CABIN1: variants seen among roughly 807,000 people sequenced by gnomAD.
CABIN1 encodes calcineurin binding protein 1, also known as calcineurin-binding protein cabin-1.
A neutral mutation model predicts 227.7 loss-of-function variants in CABIN1; 133 were observed. The ratio of observed to expected loss-of-function variants is 0.58; its 90% CI spans 0.51 to 0.67. The LOEUF is 0.67. Ranked by LOEUF, CABIN1 falls within the 30% of genes least tolerant of loss-of-function variation. The pLI is 0.00. For missense variants in CABIN1, 2,408 were observed against 2,852.5 expected (o/e 0.84, Z 3.55); for synonymous variants, 1,086 against 1,155.1 (o/e 0.94, Z 1.21).
rs1344537089 is a variant in CABIN1 at position 24,171,715 on chromosome 22, C to T, written c.5760C>T (p.Ala1920=). Residue 1920 remains alanine, a splice_region_variant and synonymous_variant, in exon 34 of 37, where the codon GCC becomes GCT. Transcript: ENST00000263119. ...VHLGAAAQRQ[A]SGDTPTTPKH... ...TCACCTCTTGTTTGTCCTCACAGGCCTCGGGGGACACCCCCACCACTCCAA... is the reference window on the plus strand; with the variant it reads ...TCACCTCTTGTTTGTCCTCACAGGCTTCGGGGGACACCCCCACCACTCCAA... The T allele has an allele frequency of 6.2e-7, 1 of 1,614,064 alleles. No homozygotes were observed. The highest frequency in any genetic ancestry group is 2.2e-5 in the East Asian group (1 of 44,876).
At chr22:24,070,447 G>A (rs2146701032) in intron 16 of CABIN1, among the ~76,000 whole-genome samples, 1 of 152,372 alleles carries the variant, frequency 6.6e-6, no homozygotes, top group East Asian at 1.9e-4. Context: ...CACTGGATGG[G>A]CACAGTGGCT....
In CABIN1 at chr22:24,035,484, G is replaced by A. The variant is rs1167104738; in HGVS notation, c.-34G>A. On this transcript the variant is annotated 5_prime_UTR_variant, in exon 2 of 37. The change creates a new upstream start codon in the 5' untranslated region. Transcript: ENST00000263119. Reference sequence around the variant, plus strand: ...GGGCAACCTTTGCCAGTGATGAGAAGTGATGCTCGTGGCAGTGCTGAATCT... The same window carrying A: ...GGGCAACCTTTGCCAGTGATGAGAAATGATGCTCGTGGCAGTGCTGAATCT... The A allele has an allele frequency of 7.4e-6, 12 of 1,614,050 alleles. No individual in the cohort carries two copies. The highest frequency in any genetic ancestry group is 1.6e-4 in the Middle Eastern group (1 of 6,070).
intron 28 of CABIN1, among the ~76,000 whole-genome samples, chr22:24,127,776 G>A (rs2043824382): frequency 6.6e-6 from 1 of 152,020 alleles, no homozygotes; most frequent in South Asian, 2.1e-4. Context: ...AATCAGGTGA[G>A]AAAGTTTGCA....
chr22:24,147,335 C>T (rs1226256802), intron 29 of CABIN1, among the ~76,000 whole-genome samples: 3 of 121,302 alleles, frequency 2.5e-5, no homozygotes, highest in African/African-American at 9.2e-5. Flanking sequence ...CTCCTCTCCT[C>T]CCTCCCTCCC....
Position 24,067,194 on chromosome 22 carries a change from A to G in CABIN1, c.2232+13A>G, listed in dbSNP as rs758123428. On this transcript the variant is annotated intron_variant, in intron 16 of 36. Transcript: ENST00000263119. ...GCTTCTTCTGCAGGTGTGTGCTGCC[A>G]GTGTCCCTCACACCCACTTGCACCT... 5 of 1,613,922 alleles carry G rather than the reference A, an allele frequency of 3.1e-6. No individual in the cohort carries two copies. The highest frequency in any genetic ancestry group is 1.1e-5 in the South Asian group (1 of 91,060).
chr22:24,073,472 CAT>C (rs1235153953), intron 18 of CABIN1, among the ~76,000 whole-genome samples: 15 of 152,252 alleles, frequency 9.9e-5, no homozygotes, highest in East Asian at 5.8e-4. Flanking sequence ...CCAGAGTTAA[CAT>C]GTGGTTTTTC....
At chr22:24,073,672 A>G (rs1364160412) in intron 18 of CABIN1, among the ~76,000 whole-genome samples, 1 of 152,114 alleles carries the variant, frequency 6.6e-6, no homozygotes, top group Non-Finnish European at 1.5e-5. Flanking sequence ...GATGCTGCCC[A>G]TGGGTGTGGG....
Position 24,059,368 on chromosome 22 carries a change from G to A in CABIN1, c.1399+5G>A, listed in dbSNP as rs373627414. On this transcript the variant is annotated splice_donor_5th_base_variant and intron_variant, in intron 11 of 36. Coordinates refer to ENST00000263119, the MANE Select transcript of CABIN1 (RefSeq NM_012295.4). ...CAGCCACATTCATGGAATCTGGTAG[G>A]AATCGAGCAGTGTGACCATTCACTT... 1 of 1,613,952 alleles carries A rather than the reference G, an allele frequency of 6.2e-7. No homozygotes were observed. The highest frequency in any genetic ancestry group is 8.5e-7 in the Non-Finnish European group (1 of 1,179,976).
intron 34 of CABIN1, 33 bp downstream of exon 34, chr22:24,172,028 G>A: frequency 6.3e-7 from 1 of 1,596,084 alleles, no homozygotes; most frequent in African/African-American, 1.3e-5. Context: ...GCTGGGCCCA[G>A]GCCCCTGCCA....
chr22:24,174,558 G>T (rs1052956916), intron 34 of CABIN1, among the ~76,000 whole-genome samples: 1 of 152,136 alleles, frequency 6.6e-6, no homozygotes, highest in Non-Finnish European at 1.5e-5. Context: ...GTCTTGCCTT[G>T]TACCAGTCCC....
At chr22:24,056,984 C>T (rs1006081940) in intron 10 of CABIN1, among the ~76,000 whole-genome samples, 4 of 152,056 alleles carry the variant, frequency 2.6e-5, no homozygotes, top group South Asian at 2.1e-4. Context: ...TCGCCCAGGC[C>T]GGAGTGCAGT....
intron 17 of CABIN1, among the ~76,000 whole-genome samples, chr22:24,071,939 T>G (rs1300821667): frequency 6.6e-6 from 1 of 152,136 alleles, no homozygotes; most frequent in Non-Finnish European, 1.5e-5. Flanking sequence ...ACTTTCTTAA[T>G]AAGGCTCTCA....
chr22:24,071,223 TGG>T, intron 17 of CABIN1, 181 bp downstream of exon 17: 2 of 788,178 alleles, frequency 2.5e-6, no homozygotes, highest in South Asian at 3.2e-5. Flanking sequence ...CAAACCTTCC[TGG>T]GGCTGGTCGG....
intron 8 of CABIN1, 150 bp from the exon 9 acceptor site, chr22:24,054,723 G>T: frequency 2.1e-6 from 2 of 954,952 alleles, no homozygotes; most frequent in East Asian, 4.8e-5. Flanking sequence ...TTGTGCCAGT[G>T]ATGAAACCTT....
chr22:24,120,056 C>T (rs1177738982), intron 28 of CABIN1, among the ~76,000 whole-genome samples: 1 of 152,216 alleles, frequency 6.6e-6, no homozygotes, highest in East Asian at 1.9e-4. Context: ...CCCTGCCATT[C>T]ACCCATCGTC....
intron 28 of CABIN1, among the ~76,000 whole-genome samples, chr22:24,126,081 A>G (rs1344361110): frequency 6.6e-6 from 1 of 152,230 alleles, no homozygotes; most frequent in African/African-American, 2.4e-5. Flanking sequence ...CAACTGTCCC[A>G]CAAGCCATGA....
intron 27 of CABIN1, among the ~76,000 whole-genome samples, chr22:24,119,002 G>A (rs928676588): frequency 2.6e-5 from 4 of 152,240 alleles, no homozygotes; most frequent in Non-Finnish European, 4.4e-5. Flanking sequence ...GATGCTGGTG[G>A]TGGCAACACC....
At chr22:24,082,083 C>CTAT (rs1485417323) in intron 19 of CABIN1, among the ~76,000 whole-genome samples, 75 of 142,450 alleles carry the variant, frequency 5.3e-4, no homozygotes, top group African/African-American at 1.8e-3. Flanking sequence ...TTTATTCTCT[C>CTAT]TCTTTTTTTT....
intron 15 of CABIN1, 115 bp from the exon 16 acceptor site, chr22:24,066,872 A>G: frequency 2.1e-6 from 2 of 971,800 alleles, no homozygotes; most frequent in Middle Eastern, 3.0e-4. Flanking sequence ...GGGCTGGAAC[A>G]TAGTCTAATT....
Sources: allele counts gnomAD v4.1 joint callset (sites outside exome capture counted in the v4.1 genomes callset), GRCh38; gene constraint gnomAD v4.1.1; transcripts MANE v1.5; gene names NCBI Gene and HGNC (gene_info 2026-07-23, HGNC 2026-07-21).